Variants in DENND5A observed in about 807,000 individuals in gnomAD.
The protein encoded by DENND5A is DENN domain-containing protein 5A.
DENND5A carries 64 observed loss-of-function variants against 140.3 expected under a neutral mutation model. The ratio of observed to expected loss-of-function variants is 0.46; its 90% CI spans 0.37 to 0.56. The LOEUF (loss-of-function observed/expected upper bound fraction) is 0.56, where lower values mean the gene tolerates loss of function less well. DENND5A is among the 20% of genes least tolerant of loss of function. The probability of loss-of-function intolerance (pLI) is 0.00; values close to 1 mark genes in which losing one functional copy is unlikely to be tolerated. For synonymous variants in DENND5A, 605 were observed against 607.7 expected (o/e 1.00, Z 0.07); for missense variants, 1,292 against 1,593.8 (o/e 0.81, Z 3.22).
intron 1 of DENND5A, among the ~76,000 whole-genome samples, chr11:9,221,979 G>C (rs1850332628): frequency 6.6e-6 from 1 of 150,956 alleles, no homozygotes; most frequent in African/African-American, 2.4e-5. Context: ...GGATGGTCTT[G>C]ATCTCCTGAC....
intron 9 of DENND5A, 82 bp downstream of exon 9, chr11:9,170,545 G>A (rs577423525): frequency 1.3e-6 from 2 of 1,529,992 alleles, no homozygotes; most frequent in Non-Finnish European, 1.8e-6. Context: ...AGGTCTTCTA[G>A]GGGTAACAGC....
intron 1 of DENND5A, among the ~76,000 whole-genome samples, chr11:9,232,471 T>C (rs544919983): frequency 3.3e-5 from 5 of 152,324 alleles, no homozygotes; most frequent in African/African-American, 1.2e-4. Flanking sequence ...AATAAACTTT[T>C]GAGAGGTGCT....
intron 1 of DENND5A, among the ~76,000 whole-genome samples, 188 bp downstream of exon 1, chr11:9,264,773 T>C (rs1015731643): frequency 6.6e-6 from 1 of 152,080 alleles, no homozygotes. Flanking sequence ...TTTGGACCCC[T>C]CATGGCTCAG....
intron 1 of DENND5A, among the ~76,000 whole-genome samples, chr11:9,264,170 G>A (rs1034289722): frequency 7.9e-5 from 12 of 152,040 alleles, no homozygotes; most frequent in African/African-American, 2.7e-4. Flanking sequence ...TAATTTTCAC[G>A]GCCTTCTGCA....
intron 5 of DENND5A, among the ~76,000 whole-genome samples, chr11:9,185,174 G>A (rs1043382807): frequency 6.6e-6 from 1 of 152,162 alleles, no homozygotes; most frequent in Non-Finnish European, 1.5e-5. Flanking sequence ...CTGGGCGACA[G>A]TGTGAGACTC....
chr11:9,220,837 A>G (rs1590294457), intron 1 of DENND5A, among the ~76,000 whole-genome samples: 1 of 150,396 alleles, frequency 6.6e-6, no homozygotes, highest in Non-Finnish European at 1.5e-5. Context: ...AGGTTGCAGT[A>G]AGCTGAGATC....
chr11:9,197,708 T>C (rs552142334), intron 4 of DENND5A, among the ~76,000 whole-genome samples: 2 of 152,002 alleles, frequency 1.3e-5, no homozygotes, highest in African/African-American at 4.8e-5. Flanking sequence ...AAAAAGTGAG[T>C]TGGGGAGAAC....
chr11:9,153,036 G>T (rs552209852), intron 12 of DENND5A, among the ~76,000 whole-genome samples: 3 of 146,054 alleles, frequency 2.1e-5, no homozygotes, highest in African/African-American at 7.6e-5. Flanking sequence ...GAAAAAAGCA[G>T]GCCAGGCACA....
At chr11:9,224,856 CAAAAAA>C (rs1003433174) in intron 1 of DENND5A, among the ~76,000 whole-genome samples, 2 of 94,000 alleles carry the variant, frequency 2.1e-5, no homozygotes, top group East Asian at 6.7e-4. Flanking sequence ...AGACTCCATC[CAAAAAA>C]AAAAAAAAAA....
chr11:9,160,824 C>T lies in DENND5A; in HGVS notation c.2325G>A (p.Val775=). 2 of 1,614,118 alleles carry T rather than the reference C, an allele frequency of 1.2e-6. No individual in the cohort carries two copies. The highest frequency in any genetic ancestry group is 1.1e-5 in the South Asian group (1 of 91,074). The change falls in exon 12 of 23, where the codon GTG becomes GTA. Residue 775 remains valine (V), a synonymous_variant. Coordinates refer to ENST00000328194, the MANE Select transcript of DENND5A (RefSeq NM_015213.4). ...TGTTCACCTCCCCATGCCCTAGCTCCACAGCTTCTCGGCCCATCTTTTCCA... is the reference window on the plus strand; with the variant it reads ...TGTTCACCTCCCCATGCCCTAGCTCTACAGCTTCTCGGCCCATCTTTTCCA... ...MLVEKMGREA[V]ELGHGEVNIT...
chr11:9,140,341 G>A (rs147220671), intron 22 of DENND5A: 1 of 595,290 alleles, frequency 1.7e-6, no homozygotes, highest in Non-Finnish European at 2.8e-6. Flanking sequence ...AAGATCACAT[G>A]GCTAGTAAAT....
chr11:9,167,299 A>G (rs1298865004), intron 10 of DENND5A, among the ~76,000 whole-genome samples: 1 of 151,744 alleles, frequency 6.6e-6, no homozygotes, highest in Non-Finnish European at 1.5e-5. Flanking sequence ...TTAGGGTCCA[A>G]TTACTATTAC....
Position 9,142,683 on chromosome 11 carries a change from T to C in DENND5A, c.3511+39A>G, listed in dbSNP as rs752486339. On this transcript the variant is annotated intron_variant, in intron 21 of 22. Coordinates refer to ENST00000328194, the MANE Select transcript of DENND5A (RefSeq NM_015213.4). ...ATGCTGGTGAGTCCCCTTATATCTC[T>C]ACATGCTTCTCCCACCCTCATACTC... The C allele has an allele frequency of 5.6e-6, 9 of 1,612,974 alleles. No homozygotes were observed. In the East Asian group the frequency reaches 1.6e-4, roughly 28 times the overall value.
chr11:9,170,070 G>A (rs1848321125), intron 9 of DENND5A, 121 bp from the exon 10 acceptor site: 3 of 865,726 alleles, frequency 3.5e-6, no homozygotes, highest in Non-Finnish European at 5.6e-6. Context: ...TGACCTAGAT[G>A]TCACCAGAGA....
intron 22 of DENND5A, among the ~76,000 whole-genome samples, chr11:9,140,624 C>T (rs1847205896): frequency 6.6e-6 from 1 of 152,194 alleles, no homozygotes; most frequent in South Asian, 2.1e-4. Flanking sequence ...CTCAGGGGCC[C>T]TACCCTCCTT....
At chr11:9,188,450 A>T (rs11042211) in intron 5 of DENND5A, among the ~76,000 whole-genome samples, 68,336 of 152,074 alleles carry the variant, frequency 0.45, 16,613 homozygotes, top group African/African-American at 0.62. Flanking sequence ...TGGAAGCAAC[A>T]TTGAAACTGG....
At chr11:9,196,268 T>C (rs1849325093) in intron 4 of DENND5A, among the ~76,000 whole-genome samples, 1 of 152,066 alleles carries the variant, frequency 6.6e-6, no homozygotes, top group South Asian at 2.1e-4. Flanking sequence ...TTATGACTTG[T>C]ATGTGCAGAT....
intron 5 of DENND5A, among the ~76,000 whole-genome samples, chr11:9,182,861 T>C (rs1383832066): frequency 1.3e-5 from 2 of 152,090 alleles, no homozygotes; most frequent in Non-Finnish European, 2.9e-5. Flanking sequence ...GTGACTACAC[T>C]CAACAAACAT....
At chr11:9,156,432 CT>C (rs1482255705) in intron 12 of DENND5A, among the ~76,000 whole-genome samples, 1 of 152,120 alleles carries the variant, frequency 6.6e-6, no homozygotes, top group Non-Finnish European at 1.5e-5. Context: ...AAATTCCAGT[CT>C]GGCCAACATG....
Sources: gnomAD v4.1 joint callset for allele counts (sites outside exome capture counted in the v4.1 genomes callset) on GRCh38, gnomAD v4.1.1 for gene constraint, MANE v1.5 for transcripts, NCBI Gene and HGNC (gene_info 2026-07-23, HGNC 2026-07-21) for gene names.